Variants in DENND11 observed in about 807,000 individuals in gnomAD.
DENND11 encodes DENN domain containing 11.
In DENND11, 34 loss-of-function variants were observed where a neutral mutation model predicts 49.2. That is an observed-to-expected ratio of 0.69 (90% CI 0.53 to 0.92). The LOEUF (loss-of-function observed/expected upper bound fraction) is 0.92. DENND11 is among the 40% of genes least tolerant of loss of function. The pLI is 0.00. For synonymous variants in DENND11, 238 were observed against 230.3 expected (o/e 1.03, Z -0.30); for missense variants, 475 against 581.6 (o/e 0.82, Z 1.88).
In DENND11 at chr7:141,661,315, AG is replaced by A. The variant is rs766373068; in HGVS notation, c.*1340del. 1 of 152,224 alleles carries A rather than the reference AG, an allele frequency of 6.6e-6. No homozygotes were observed. The highest frequency in any genetic ancestry group is 1.5e-5 in the Non-Finnish European group (1 of 68,050). 9.4% of individuals were successfully genotyped at this position (152,224 alleles called of 1,614,324 possible). On this transcript the variant is annotated 3_prime_UTR_variant, in exon 9 of 9. Transcript: ENST00000536163. ...CCAAAAAGGCCTAAACTCGACCCACAGGAACTGGCTTTCTAACTGGTTGACA... is the reference window on the plus strand; with the variant it reads ...CCAAAAAGGCCTAAACTCGACCCACAGAACTGGCTTTCTAACTGGTTGACA...
At chr7:141,684,003 C>T (rs1022992738) in intron 3 of DENND11, among the ~76,000 whole-genome samples, 1 of 152,204 alleles carries the variant, frequency 6.6e-6, no homozygotes, top group South Asian at 2.1e-4. Context: ...TCATAGCTCA[C>T]TGCAGCATTG....
At chr7:141,684,738 T>C (rs1377071388) in intron 3 of DENND11, among the ~76,000 whole-genome samples, 2 of 152,028 alleles carry the variant, frequency 1.3e-5, no homozygotes, top group Non-Finnish European at 2.9e-5. Context: ...CGTACACACA[T>C]ACACAGAAAA....
At position 141,660,643 on chromosome 7, in the gene DENND11, C is replaced by A. The variant is rs1797775488; in HGVS notation, c.*2013G>T. The A allele has an allele frequency of 1.3e-5, 2 of 152,274 alleles. No homozygotes were observed. The highest frequency in any genetic ancestry group is 4.8e-5 in the African/African-American group (2 of 41,450). 9.4% of individuals were successfully genotyped at this position (152,274 alleles called of 1,614,324 possible). A position where few individuals can be genotyped will look rare whatever the true frequency, so the allele number is the denominator to read the frequency against. On this transcript the variant is annotated 3_prime_UTR_variant, in exon 9 of 9. Transcript: ENST00000536163. ...GAAAAAGGAGGTCTTCTTGTGTCCTCTAGGAGAATCAGACCTTTCCTTTCA... is the reference window on the plus strand; with the variant it reads ...GAAAAAGGAGGTCTTCTTGTGTCCTATAGGAGAATCAGACCTTTCCTTTCA...
intron 1 of DENND11, among the ~76,000 whole-genome samples, chr7:141,696,861 T>C (rs1798422805): frequency 6.6e-6 from 1 of 152,232 alleles, no homozygotes; most frequent in South Asian, 2.1e-4. Context: ...CTTTGGGTCT[T>C]ACATGGTTTG....
At position 141,701,885 on chromosome 7, in the gene DENND11, C is replaced by A. The variant is rs1798526419; in HGVS notation, c.268+1G>T. On this transcript the variant is annotated splice_donor_variant, in intron 1 of 8. Transcript: ENST00000536163. LOFTEE classifies it high-confidence loss of function. Reference sequence around the variant, plus strand: ...GCGCCTGGCCCCGGCGCGGCCCTCACCCGAGCGGGGGTCGAAGGTGACCAC... The same window carrying A: ...GCGCCTGGCCCCGGCGCGGCCCTCAACCGAGCGGGGGTCGAAGGTGACCAC... 7.5e-6 allele frequency: 9 copies of A among 1,201,096 alleles called. No individual in the cohort carries two copies. Among genetic ancestry groups the A allele is most frequent in the Non-Finnish European group, 9.3e-6 (9 of 968,998 alleles). The allele number at this position is 1,201,096 out of a possible 1,614,324, so 74.4% of individuals were successfully genotyped here. A position where few individuals can be genotyped will look rare whatever the true frequency, so the allele number is the denominator to read the frequency against.
intron 1 of DENND11, among the ~76,000 whole-genome samples, chr7:141,699,143 C>T (rs970053313): frequency 6.6e-6 from 1 of 151,950 alleles, no homozygotes; most frequent in Admixed American, 6.5e-5. Flanking sequence ...TTCACTTTAT[C>T]GCTTTTGGCA....
intron 1 of DENND11, among the ~76,000 whole-genome samples, chr7:141,690,990 A>C (rs1798319226): frequency 6.6e-6 from 1 of 152,114 alleles, no homozygotes; most frequent in Admixed American, 6.5e-5. Flanking sequence ...AAAAAAAAAA[A>C]GAAATACAGG....
At chr7:141,687,821 A>G (rs1798268409) in intron 1 of DENND11, among the ~76,000 whole-genome samples, 1 of 151,914 alleles carries the variant, frequency 6.6e-6, no homozygotes, top group South Asian at 2.1e-4. Context: ...TTTTTAGTGG[A>G]GACGGGGTTT....
In DENND11 at chr7:141,659,664, A is replaced by AAG. The variant is rs1405419592; in HGVS notation, c.*2991_*2992insCT. 4 of 152,282 alleles carry AAG rather than the reference A, an allele frequency of 2.6e-5. No individual in the cohort carries two copies. Among genetic ancestry groups the AAG allele is most frequent in the African/African-American group, 9.6e-5 (4 of 41,454 alleles). 9.4% of individuals were successfully genotyped at this position (152,282 alleles called of 1,614,324 possible). On this transcript the variant is annotated 3_prime_UTR_variant, in exon 9 of 9. Coordinates refer to ENST00000536163, the MANE Select transcript of DENND11 (RefSeq NM_001080392.2). ...AGCAATCATTTCCAAACTGGCACATAGTTCATTTCACAGTGTGGCATGAGA... is the reference window on the plus strand; with the variant it reads ...AGCAATCATTTCCAAACTGGCACATAAGGTTCATTTCACAGTGTGGCATGAGA...
Position 141,664,890 on chromosome 7 carries a change from T to C in DENND11, c.1103+14A>G. ...GAGGGTGGAGCCCCTGGTTCTCCCC[T>C]TAGCTGCCACTACCTCTGCTCGTTG... On this transcript the variant is annotated intron_variant, in intron 7 of 8. Transcript: ENST00000536163. 6.2e-7 allele frequency: 1 copy of C among 1,606,586 alleles called. No homozygotes were observed. Among genetic ancestry groups the C allele is most frequent in the South Asian group, 1.1e-5 (1 of 89,550 alleles).
chr7:141,664,262 G>A lies in DENND11; in HGVS notation c.1104-22C>T, dbSNP rs753605929. On this transcript the variant is annotated intron_variant, in intron 7 of 8. Transcript: ENST00000536163. The stretch of plus-strand genomic sequence containing the variant: ...CTGCCTGTTGGGAAGATCACCGTGA[G>A]ACTCTGGTGCAGGTACCAGGACCGC... The A allele has an allele frequency of 5.8e-6, 9 of 1,563,430 alleles. No homozygotes were observed. In the African/African-American group the frequency reaches 1.2e-4, roughly 21 times the overall value.
chr7:141,677,348 G>A (rs973396553), intron 3 of DENND11, among the ~76,000 whole-genome samples: 32 of 147,042 alleles, frequency 2.2e-4, no homozygotes, highest in African/African-American at 7.3e-4. Flanking sequence ...GAGAGATCAC[G>A]CCATTGCATC....
chr7:141,683,390 C>T (rs1352803742), intron 3 of DENND11, among the ~76,000 whole-genome samples: 1 of 152,138 alleles, frequency 6.6e-6, no homozygotes, highest in African/African-American at 2.4e-5. Flanking sequence ...CCGGTAATCC[C>T]AGAACTCTGG....
chr7:141,678,274 T>C (rs1334049711), intron 3 of DENND11, among the ~76,000 whole-genome samples: 1 of 152,132 alleles, frequency 6.6e-6, no homozygotes, highest in Non-Finnish European at 1.5e-5. Flanking sequence ...ATAATCCTTT[T>C]TAAAAGAAAT....
intron 1 of DENND11, among the ~76,000 whole-genome samples, chr7:141,688,851 T>C (rs1798283957): frequency 1.3e-5 from 2 of 152,172 alleles, no homozygotes; most frequent in Admixed American, 1.3e-4. Context: ...AGCCCCTGCT[T>C]GGGCCTCTGT....
At chr7:141,665,725 G>C (rs1179290955) in intron 5 of DENND11, among the ~76,000 whole-genome samples, 1 of 151,966 alleles carries the variant, frequency 6.6e-6, no homozygotes, top group Non-Finnish European at 1.5e-5. Context: ...ACTTTCCCCA[G>C]GTAACGCTGT....
Position 141,662,669 on chromosome 7 carries a change from G to T in DENND11, c.1355C>A (p.Pro452His). The T allele has an allele frequency of 6.3e-7, 1 of 1,591,714 alleles. No individual in the cohort carries two copies. Among genetic ancestry groups the T allele is most frequent in the Non-Finnish European group, 8.5e-7 (1 of 1,170,106 alleles). Residue 452 changes from proline (P) to histidine (H), a missense_variant, in exon 9 of 9, where the codon CCC becomes CAC. Coordinates refer to ENST00000536163, the MANE Select transcript of DENND11 (RefSeq NM_001080392.2). ...GIDVMLVIDNPCCP is the reference protein window; with the variant it reads ...GIDVMLVIDNHCCP ...TGTTGGCTCCTCCTACGGGCAACAG[G>T]GGTTGTCGATAACCAGCATGACATC...
chr7:141,665,782 T>C (rs1324211721), intron 5 of DENND11, among the ~76,000 whole-genome samples: 1 of 151,932 alleles, frequency 6.6e-6, no homozygotes, highest in African/African-American at 2.4e-5. Context: ...CTCAAATCTT[T>C]ATCTCCAGCT....
chr7:141,686,152 C>T (rs1490768293), intron 2 of DENND11, among the ~76,000 whole-genome samples: 3 of 152,158 alleles, frequency 2.0e-5, no homozygotes, highest in East Asian at 3.8e-4. Context: ...TGTTCCTTCT[C>T]GCAAAACTCT....
Sources: allele counts gnomAD v4.1 joint callset (sites outside exome capture counted in the v4.1 genomes callset), GRCh38; gene constraint gnomAD v4.1.1; transcripts MANE v1.5; gene names NCBI Gene and HGNC (gene_info 2026-07-23, HGNC 2026-07-21).